TFAP2A: variants seen among roughly 807,000 people sequenced by gnomAD.
TFAP2A encodes transcription factor AP-2-alpha.
TFAP2A carries 7 observed loss-of-function variants against 41.5 expected under a neutral mutation model. The observed-to-expected ratio is 0.17, with a 90% CI of 0.10 to 0.32. The LOEUF (loss-of-function observed/expected upper bound fraction) is 0.32, where lower values mean the gene tolerates loss of function less well. TFAP2A is among the 10% of genes least tolerant of loss of function. The pLI, the probability that TFAP2A is intolerant of heterozygous loss-of-function variation, is 1.00. For missense variants in TFAP2A, 416 were observed against 563.3 expected, an observed-to-expected ratio of 0.74 and a Z score of 2.65; for synonymous variants, 247 against 242.8, an observed-to-expected ratio of 1.02 and a Z score of -0.16.
chr6:10,402,376 C>A (rs892350606), intron 5 of TFAP2A, 116 bp downstream of exon 5: 1 of 827,886 alleles, frequency 1.2e-6, no homozygotes, highest in Admixed American at 1.7e-5. Context: ...TGGCTATATT[C>A]TCTGCAAAGA....
At chr6:10,416,126 G>A (rs1050056593), upstream of TFAP2A, 1 of 152,338 alleles carries the variant, frequency 6.6e-6, no homozygotes, top group African/African-American at 2.4e-5. Flanking sequence ...TGCAAGTCTA[G>A]ATACCGTCTC....
Position 10,410,006 on chromosome 6 carries a change from C to T in TFAP2A, c.381G>A (p.Arg127=). ...PHQLSGLDPR[R]DYRRHEDLLH... is the part of the protein sequence containing the mutation. ...GGAGGTCCTCGTGCCGCCTGTAGTCCCTGCGAGGATCCAGGCCCGACAGCT... is the reference window on the plus strand; with the variant it reads ...GGAGGTCCTCGTGCCGCCTGTAGTCTCTGCGAGGATCCAGGCCCGACAGCT... The change falls in exon 2 of 7, where the codon AGG becomes AGA. Residue 127 remains arginine (R), a synonymous_variant. Coordinates refer to ENST00000379613, the MANE Select transcript of TFAP2A (RefSeq NM_001372066.1). 1 of 1,611,278 alleles carries T rather than the reference C, an allele frequency of 6.2e-7. No individual in the cohort carries two copies. Among genetic ancestry groups the T allele is most frequent in the Non-Finnish European group, 8.5e-7 (1 of 1,178,916 alleles).
upstream of TFAP2A, among the ~76,000 whole-genome samples, chr6:10,416,612 A>G (rs1397433520): frequency 6.6e-6 from 1 of 152,136 alleles, no homozygotes; most frequent in African/African-American, 2.4e-5. Context: ...AGGACCTTTG[A>G]TTCATCTGGG....
chr6:10,402,366 T>C, intron 5 of TFAP2A, 126 bp downstream of exon 5: 1 of 793,900 alleles, frequency 1.3e-6, no homozygotes, highest in South Asian at 1.4e-5. Context: ...CATTCACATC[T>C]GGCTATATTC....
Position 10,402,838 on chromosome 6 carries a change from T to C in TFAP2A, c.771-228A>G, listed in dbSNP as rs1349269970. On this transcript the variant is annotated intron_variant, in intron 4 of 6. Transcript: ENST00000379613. ...CGTTCAGTTATTATTGCAACTCTTG[T>C]GGCAGGTTGGAAGGTTTTGATTTCC... Among the ~76,000 whole-genome samples the C allele has an allele frequency of 2.6e-5, 4 of 152,240 alleles. No homozygotes were observed. The East Asian group carries it at 7.7e-4, about 29-fold the overall frequency.
chr6:10,419,463 C>T (rs1319071809), upstream of TFAP2A: 31 of 1,614,180 alleles, frequency 1.9e-5, no homozygotes, highest in Non-Finnish European at 2.5e-5. Context: ...CGGCTCTGCG[C>T]TCCTGGCGAC....
rs1479064980 is a variant in TFAP2A, at chr6:10,398,638, T to G, written c.1099A>C (p.Asn367His). 6.2e-7 allele frequency: 1 copy of G among 1,614,132 alleles called. No homozygotes were observed. Among genetic ancestry groups the G allele is most frequent in the Non-Finnish European group, 8.5e-7 (1 of 1,179,994 alleles). ...TGGATGCCGGGCTCCAGGATGGGGT[T>G]GGGCCGTGAGTTCCCCAGGGGAGAT... ...DRSPLGNSRP[N>H]PILEPGIQSC... The change falls in exon 7 of 7, where the codon AAC becomes CAC. Residue 367 changes from asparagine (N) to histidine (H), a missense_variant. By Grantham distance (68) the Asn-to-His change is moderately conservative (BLOSUM62 1). Coordinates refer to ENST00000379613, the MANE Select transcript of TFAP2A (RefSeq NM_001372066.1). The surrounding 1 kb of genome is among the most constrained non-coding windows in gnomAD (Gnocchi z 5.3).
In TFAP2A at chr6:10,398,811, G is replaced by A; in HGVS notation, c.1032-106C>T. The stretch of plus-strand genomic sequence containing the variant: ...CTGCAGCTACCTCTGCCGGGATCCA[G>A]CCGGTACCTGACATGACCCAAGACC... On this transcript the variant is annotated intron_variant, in intron 6 of 6. Coordinates refer to ENST00000379613, the MANE Select transcript of TFAP2A (RefSeq NM_001372066.1). This position sits in a 1 kb window ranked among gnomAD's most constrained non-coding sequence, Gnocchi z 5.3. The A allele has an allele frequency of 1.5e-6, 2 of 1,365,912 alleles. No homozygotes were observed. Among genetic ancestry groups the A allele is most frequent in the Non-Finnish European group, 2.0e-6 (2 of 999,112 alleles). The allele number at this position is 1,365,912 out of a possible 1,614,324, so 84.6% of individuals were successfully genotyped here.
upstream of TFAP2A, among the ~76,000 whole-genome samples, chr6:10,417,869 G>C (rs1758302072): frequency 6.6e-6 from 1 of 152,134 alleles, no homozygotes; most frequent in African/African-American, 2.4e-5. Context: ...CGGCAGTCTC[G>C]CGGCTTTCAA....
upstream of TFAP2A, chr6:10,419,567 C>G: frequency 7.5e-7 from 1 of 1,328,206 alleles, no homozygotes; most frequent in East Asian, 2.3e-5. Context: ...TCACCAACAT[C>G]TCACCTGGTC....
At chr6:10,401,653 T>C (rs1762012009) in intron 5 of TFAP2A, among the ~76,000 whole-genome samples, 1 of 152,226 alleles carries the variant, frequency 6.6e-6, no homozygotes, top group South Asian at 2.1e-4. Context: ...TTAAAATCTG[T>C]CTGGTAATTA....
chr6:10,404,257 G>C (rs1404052587), intron 4 of TFAP2A, among the ~76,000 whole-genome samples: 6 of 152,222 alleles, frequency 3.9e-5, no homozygotes, highest in African/African-American at 1.4e-4. Flanking sequence ...GCGCGCGGCA[G>C]CGAACGAAGC....
chr6:10,418,861 G>A (rs950889159), upstream of TFAP2A, among the ~76,000 whole-genome samples: 4 of 152,128 alleles, frequency 2.6e-5, no homozygotes, highest in African/African-American at 9.7e-5. Context: ...ACAGAAACAC[G>A]CTGCCTCCGC....
chr6:10,409,646 T>G, intron 2 of TFAP2A: 1 of 514,026 alleles, frequency 1.9e-6, no homozygotes, highest in Non-Finnish European at 3.5e-6. Flanking sequence ...TTCGTCTGAT[T>G]TATCTGTGTT....
upstream of TFAP2A, chr6:10,419,368 CTACT>C: frequency 1.3e-6 from 2 of 1,598,394 alleles, no homozygotes; most frequent in Non-Finnish European, 1.7e-6. Context: ...GCCCCCTCCC[CTACT>C]CCACCCCTGC....
chr6:10,411,931 T>G (rs889304698), intron 1 of TFAP2A: 20 of 1,166,524 alleles, frequency 1.7e-5, no homozygotes, highest in Non-Finnish European at 2.1e-5. Flanking sequence ...TGCGTGCGTG[T>G]TCCTTAATCC....
chr6:10,409,623 G>C (rs1034906640), intron 2 of TFAP2A: 2 of 474,736 alleles, frequency 4.2e-6, no homozygotes, highest in Non-Finnish European at 7.6e-6. Context: ...GGAAGATATT[G>C]TTAATGGTGA....
chr6:10,414,924 G>A lies in TFAP2A; in HGVS notation c.51+17C>T, dbSNP rs1439889633. 2 of 1,613,966 alleles carry A rather than the reference G, an allele frequency of 1.2e-6. No homozygotes were observed. Among genetic ancestry groups the A allele is most frequent in the East Asian group, 2.2e-5 (1 of 44,852 alleles). ...AGCCTGTGACCGCACGGATGATCGA[G>A]CCGGCGTCGCGCTTACCTCGCAGTC... On this transcript the variant is annotated intron_variant, in intron 1 of 6. Transcript: ENST00000379613.
chr6:10,397,496 G>C lies in TFAP2A; in HGVS notation c.*921C>G, dbSNP rs2113994031. On this transcript the variant is annotated 3_prime_UTR_variant, in exon 7 of 7. Coordinates refer to ENST00000379613, the MANE Select transcript of TFAP2A (RefSeq NM_001372066.1). Reference sequence around the variant, plus strand: ...ATTTTACTTTTTAAAAATTTGTCCAGCTGTTTGTCACCTTTAACATGCTAC... The same window carrying C: ...ATTTTACTTTTTAAAAATTTGTCCACCTGTTTGTCACCTTTAACATGCTAC... The C allele has an allele frequency of 6.6e-6, 1 of 151,878 alleles. No homozygotes were observed. The highest frequency in any genetic ancestry group is 2.1e-4 in the South Asian group (1 of 4,808). The allele number at this position is 151,878 out of a possible 1,614,324, so 9.4% of individuals were successfully genotyped here.
Sources: allele counts gnomAD v4.1 joint callset (sites outside exome capture counted in the v4.1 genomes callset), GRCh38; gene constraint gnomAD v4.1.1; non-coding constraint Gnocchi (gnomAD v3.1); transcripts MANE v1.5; gene names NCBI Gene and HGNC (gene_info 2026-07-23, HGNC 2026-07-21).